CMC1: variants seen among roughly 807,000 people sequenced by gnomAD.
CMC1 encodes the protein C-X9-C motif containing 1, also known as COX assembly mitochondrial protein homolog.
Under a neutral mutation model 14.1 loss-of-function variants are expected in CMC1, and 14 were observed. The observed-to-expected ratio is 0.99, with a 90% CI of 0.66 to 1.55. The LOEUF (loss-of-function observed/expected upper bound fraction) is 1.55. Ranked by LOEUF, CMC1 falls within the 40% of genes most tolerant of loss-of-function variation. The pLI is 0.00. For synonymous variants in CMC1, 50 were observed against 38.4 expected, an observed-to-expected ratio of 1.30 and a Z score of -1.12; for missense variants, 127 against 123.8, an observed-to-expected ratio of 1.03 and a Z score of -0.12.
At chr3:28,254,585 TTC>T (rs759678605) in intron 1 of CMC1, among the ~76,000 whole-genome samples, 4 of 152,306 alleles carry the variant, frequency 2.6e-5, no homozygotes, top group South Asian at 2.1e-4. Flanking sequence ...GTAGGTAAAT[TTC>T]TGTTATAATT....
intron 1 of CMC1, among the ~76,000 whole-genome samples, chr3:28,256,432 A>C (rs149160145): frequency 4.8e-4 from 73 of 152,192 alleles, no homozygotes; most frequent in African/African-American, 1.7e-3. Flanking sequence ...CCACCCAAAT[A>C]ATCTTTGATA....
chr3:28,267,845 C>T (rs1208058294), intron 2 of CMC1, among the ~76,000 whole-genome samples: 1 of 152,286 alleles, frequency 6.6e-6, no homozygotes, highest in Non-Finnish European at 1.5e-5. Flanking sequence ...GGTTGCAGGG[C>T]TGCAGACTAT....
intron 2 of CMC1, among the ~76,000 whole-genome samples, chr3:28,289,314 G>T (rs993622517): frequency 5.3e-5 from 8 of 151,626 alleles, no homozygotes; most frequent in African/African-American, 1.9e-4. Flanking sequence ...TTTAAAATTC[G>T]TTTTGTTTAT....
intron 2 of CMC1, among the ~76,000 whole-genome samples, chr3:28,263,631 T>C (rs1184809555): frequency 6.6e-6 from 1 of 152,160 alleles, no homozygotes; most frequent in Admixed American, 6.6e-5. Context: ...GGTACAGTTA[T>C]ATACATGGAA....
intron 2 of CMC1, among the ~76,000 whole-genome samples, chr3:28,299,083 A>G (rs564233764): frequency 2.3e-4 from 35 of 152,114 alleles, no homozygotes; most frequent in South Asian, 6.2e-4. Flanking sequence ...TTTTATGTCA[A>G]TTTTCTATTT....
chr3:28,309,435 C>T (rs1051656974), intron 2 of CMC1, among the ~76,000 whole-genome samples: 28 of 152,130 alleles, frequency 1.8e-4, no homozygotes, highest in African/African-American at 6.7e-4. Flanking sequence ...TCAACCTGGG[C>T]CATCATGCAC....
chr3:28,241,694 G>C lies in CMC1; in HGVS notation c.-100G>C. On this transcript the variant is annotated 5_prime_UTR_variant, in exon 1 of 4. Transcript: ENST00000466830. The stretch of plus-strand genomic sequence containing the variant: ...CGTGTTTCTGTTGCGGGAAGCTCCC[G>C]GGGGTCGCACGTGCGTCCGAGCCCA... 8.1e-7 allele frequency: 1 copy of C among 1,231,482 alleles called. No individual in the cohort carries two copies. The highest frequency in any genetic ancestry group is 1.7e-5 in the African/African-American group (1 of 59,414). 76.3% of individuals were successfully genotyped at this position (1,231,482 alleles called of 1,614,324 possible). A position where few individuals can be genotyped will look rare whatever the true frequency, so the allele number is the denominator to read the frequency against.
chr3:28,310,731 A>C (rs767493265), intron 2 of CMC1, among the ~76,000 whole-genome samples: 4 of 152,226 alleles, frequency 2.6e-5, no homozygotes, highest in Non-Finnish European at 4.4e-5. Flanking sequence ...CACTGTTTCA[A>C]TATATGTCTT....
intron 1 of CMC1, among the ~76,000 whole-genome samples, chr3:28,251,585 T>C (rs889029226): frequency 5.9e-5 from 9 of 152,160 alleles, no homozygotes; most frequent in African/African-American, 2.2e-4. Context: ...TCAGATTAGC[T>C]CTGAAGCCAT....
At chr3:28,256,410 AT>A (rs1699411823) in intron 1 of CMC1, among the ~76,000 whole-genome samples, 1 of 152,114 alleles carries the variant, frequency 6.6e-6, no homozygotes, top group Non-Finnish European at 1.5e-5. Context: ...CTTTGAACTG[AT>A]TGTATTAGAC....
chr3:28,305,659 CAGA>C (rs748615207), intron 2 of CMC1, among the ~76,000 whole-genome samples: 1 of 151,948 alleles, frequency 6.6e-6, no homozygotes, highest in Non-Finnish European at 1.5e-5. Context: ...TTTTGCAGGG[CAGA>C]AGCTCTTTAG....
chr3:28,279,397 A>G (rs1482933849), intron 2 of CMC1, among the ~76,000 whole-genome samples: 1 of 152,242 alleles, frequency 6.6e-6, no homozygotes, highest in Non-Finnish European at 1.5e-5. Flanking sequence ...TTCTACTCGT[A>G]TTACTCACAA....
intron 2 of CMC1, among the ~76,000 whole-genome samples, chr3:28,270,636 A>C (rs1010069183): frequency 6.6e-6 from 1 of 151,716 alleles, no homozygotes; most frequent in African/African-American, 2.4e-5. Flanking sequence ...AGTTCCTTGT[A>C]AATTCTGGAT....
At chr3:28,263,750 G>A (rs1374988515) in intron 2 of CMC1, among the ~76,000 whole-genome samples, 1 of 151,882 alleles carries the variant, frequency 6.6e-6, no homozygotes, top group Non-Finnish European at 1.5e-5. Context: ...CACCATATTC[G>A]CATACATATA....
chr3:28,243,815 C>G (rs1698661735), intron 1 of CMC1, among the ~76,000 whole-genome samples: 1 of 152,188 alleles, frequency 6.6e-6, no homozygotes, highest in Non-Finnish European at 1.5e-5. Flanking sequence ...TCCCCCTACA[C>G]AGACACGTGC....
At chr3:28,274,931 CA>C (rs1700499826) in intron 2 of CMC1, among the ~76,000 whole-genome samples, 1 of 152,098 alleles carries the variant, frequency 6.6e-6, no homozygotes, top group Non-Finnish European at 1.5e-5. Context: ...TTGTGTTTTT[CA>C]GCTCCATCAG....
In CMC1 at chr3:28,243,578, G is replaced by A. The variant is rs150683950; in HGVS notation, c.19+1766G>A. ...TGTTGTACCCAAGGCCACACAGCTA[G>A]TTGCTGGTAGAGTCAAGTCTGGTTA... On this transcript the variant is annotated intron_variant, in intron 1 of 3. Coordinates refer to ENST00000466830, the MANE Select transcript of CMC1 (RefSeq NM_182523.2). 3.6e-3 allele frequency among the ~76,000 whole-genome samples: 551 copies of A among 152,348 alleles called. 2 individuals are homozygous for A. Among genetic ancestry groups the A allele is most frequent in the African/African-American group, 0.012 (500 of 41,582 alleles).
chr3:28,307,030 A>G (rs1559441627), intron 2 of CMC1, among the ~76,000 whole-genome samples: 2 of 152,168 alleles, frequency 1.3e-5, no homozygotes, highest in Admixed American at 1.3e-4. Flanking sequence ...TAGTTTTAAA[A>G]CATTTTCACT....
intron 2 of CMC1, among the ~76,000 whole-genome samples, chr3:28,271,071 C>A (rs1015904495): frequency 2.0e-5 from 3 of 151,928 alleles, no homozygotes; most frequent in African/African-American, 7.3e-5. Flanking sequence ...GCTGGGATTA[C>A]AGGCATGTGC....
Sources: gnomAD v4.1 joint callset for allele counts (sites outside exome capture counted in the v4.1 genomes callset) on GRCh38, gnomAD v4.1.1 for gene constraint, MANE v1.5 for transcripts, NCBI Gene and HGNC (gene_info 2026-07-23, HGNC 2026-07-21) for gene names.